The following STK32B variants were observed in gnomAD, a reference collection of about 807,000 sequenced individuals.
STK32B encodes the protein serine/threonine-protein kinase 32B.
STK32B carries 43 observed loss-of-function variants against 52.6 expected under a neutral mutation model. The observed-to-expected ratio is 0.82, with a 90% CI of 0.64 to 1.05. The LOEUF (loss-of-function observed/expected upper bound fraction) is 1.05, where lower values mean the gene tolerates loss of function less well. Among genes scored for constraint, STK32B ranks in the 50% least tolerant of loss-of-function variants. The probability of loss-of-function intolerance (pLI) is 0.00; values close to 1 mark genes in which losing one functional copy is unlikely to be tolerated. For synonymous variants in STK32B, 238 were observed against 204.3 expected, an observed-to-expected ratio of 1.17 and a Z score of -1.41; for missense variants, 621 against 534.6, an observed-to-expected ratio of 1.16 and a Z score of -1.59.
At chr4:5,036,215 G>A in the STK32B span, among the ~76,000 whole-genome samples, 1 of 152,214 alleles carries the variant, frequency 6.6e-6, no homozygotes, top group African/African-American at 2.4e-5. Context: ...AAACCAATCT[G>A]AAAGCTGCTG....
chr4:5,131,067 C>A (rs560337531), intron 1 of STK32B, among the ~76,000 whole-genome samples: 1 of 152,192 alleles, frequency 6.6e-6, no homozygotes, highest in African/African-American at 2.4e-5. Context: ...GGGCATGCCT[C>A]TGCTAGGCAG....
chr4:5,178,876 A>C (rs748659165), intron 3 of STK32B, among the ~76,000 whole-genome samples: 12 of 152,156 alleles, frequency 7.9e-5, no homozygotes, highest in Non-Finnish European at 1.8e-4. Context: ...CAACTTTCCC[A>C]CATCTTCCTG....
chr4:5,436,425 T>G (rs950437397), intron 6 of STK32B, among the ~76,000 whole-genome samples: 1 of 152,170 alleles, frequency 6.6e-6, no homozygotes, highest in Non-Finnish European at 1.5e-5. Context: ...CCAGTGGCAT[T>G]GCAAGGAACA....
intron 3 of STK32B, among the ~76,000 whole-genome samples, chr4:5,316,328 TATACA>T (rs1239765968): frequency 2.0e-5 from 1 of 50,380 alleles, no homozygotes; most frequent in African/African-American, 1.6e-4. Flanking sequence ...TTATATATTA[TATACA>T]ATATAATATA....
chr4:5,436,640 G>A, intron 6 of STK32B: 1 of 985,430 alleles, frequency 1.0e-6, no homozygotes, highest in Non-Finnish European at 1.2e-6. Context: ...CAGCATGTGA[G>A]CAAAGCTGAG....
At chr4:5,375,870 G>A (rs1735556489) in intron 4 of STK32B, among the ~76,000 whole-genome samples, 1 of 152,218 alleles carries the variant, frequency 6.6e-6, no homozygotes, top group South Asian at 2.1e-4. Context: ...TCCTCTGTGG[G>A]ATGATGAGGA....
rs1716149050 is a variant in STK32B, at chr4:5,453,076, T to C, written c.667-3731T>C. 1.3e-5 allele frequency among the ~76,000 whole-genome samples: 2 copies of C among 152,152 alleles called. No individual in the cohort carries two copies. The highest frequency in any genetic ancestry group is 2.9e-5 in the Non-Finnish European group (2 of 68,030). On this transcript the variant is annotated intron_variant, in intron 7 of 11. Transcript: ENST00000282908. The surrounding 1 kb of genome is among the most constrained non-coding windows in gnomAD (Gnocchi z 4.0). Reference sequence around the variant, plus strand: ...CGGCTGAACCTGGTGCCTAAAGCTGTGGAACTTGTTTTAGTCATCATGTTC... The same window carrying C: ...CGGCTGAACCTGGTGCCTAAAGCTGCGGAACTTGTTTTAGTCATCATGTTC...
At position 5,460,669 on chromosome 4, in the gene STK32B, C is replaced by T. The variant is rs1356731690; in HGVS notation, c.909+441C>T. Among the ~76,000 whole-genome samples, 1 of 152,112 alleles carries T rather than the reference C, an allele frequency of 6.6e-6. No individual in the cohort carries two copies. The highest frequency in any genetic ancestry group is 1.5e-5 in the Non-Finnish European group (1 of 68,024). On this transcript the variant is annotated intron_variant, in intron 9 of 11. Transcript: ENST00000282908. The surrounding 1 kb of genome is among the most constrained non-coding windows in gnomAD (Gnocchi z 4.8). The stretch of plus-strand genomic sequence containing the variant: ...GGCAGGGGCTTCTTTTAGGAAGGGT[C>T]GGCAGAGACCTAGAGGTAAAGTGAG...
intron 2 of STK32B, among the ~76,000 whole-genome samples, chr4:5,140,908 A>C (rs933529764): frequency 6.6e-6 from 1 of 152,232 alleles, no homozygotes; most frequent in Non-Finnish European, 1.5e-5. Flanking sequence ...TATTTAAAAA[A>C]TGAGAGAGAT....
Position 5,398,165 on chromosome 4 carries a change from G to C in STK32B, c.435-42G>C, listed in dbSNP as rs1420976391. On this transcript the variant is annotated intron_variant, in intron 4 of 11. Transcript: ENST00000282908. The surrounding 1 kb of genome is among the most constrained non-coding windows in gnomAD (Gnocchi z 4.9). ...TGCTTGTCTATGTGCTCATCTGTGG[G>C]CTCAGGAACCACATTGCCAGCTTCT... is the stretch of plus-strand genomic sequence containing the variant. 1.2e-6 allele frequency: 2 copies of C among 1,611,726 alleles called. No individual in the cohort carries two copies. Among genetic ancestry groups the C allele is most frequent in the South Asian group, 1.1e-5 (1 of 90,688 alleles).
chr4:5,152,005 G>C (rs1717408420), intron 2 of STK32B, among the ~76,000 whole-genome samples: 1 of 152,342 alleles, frequency 6.6e-6, no homozygotes, highest in South Asian at 2.1e-4. Flanking sequence ...GCCAGACATA[G>C]TGCCTGGTCC....
chr4:5,181,965 A>G (rs979213192), intron 3 of STK32B, among the ~76,000 whole-genome samples: 2 of 152,230 alleles, frequency 1.3e-5, no homozygotes, highest in Non-Finnish European at 2.9e-5. Context: ...CTTCTTTCAG[A>G]AATACAGTCA....
At chr4:5,235,635 G>T (rs1724576684) in intron 3 of STK32B, among the ~76,000 whole-genome samples, 1 of 151,822 alleles carries the variant, frequency 6.6e-6, no homozygotes, top group Non-Finnish European at 1.5e-5. Flanking sequence ...ATAAATCCAA[G>T]TTACACCATG....
At chr4:5,385,927 C>CCCACCCACAGCCCCCACTCACAGCT (rs556186121) in intron 4 of STK32B, among the ~76,000 whole-genome samples, 1 of 91,776 alleles carries the variant, frequency 1.1e-5, no homozygotes, top group Non-Finnish European at 1.9e-5. Context: ...CACCCACAGC[C>CCCACCCACAGCCCCCACTCACAGCT]CCACCCACAG....
At chr4:5,313,108 TTTTTA>T (rs143392235) in intron 3 of STK32B, among the ~76,000 whole-genome samples, 8,589 of 147,892 alleles carry the variant, frequency 0.058, 771 homozygotes, top group African/African-American at 0.2. Flanking sequence ...GTAATTGTGG[TTTTTA>T]AAAACCACAA....
intron 3 of STK32B, among the ~76,000 whole-genome samples, chr4:5,302,474 T>G (rs576805702): frequency 6.6e-6 from 1 of 152,250 alleles, no homozygotes; most frequent in Non-Finnish European, 1.5e-5. Flanking sequence ...TCTACAAGCC[T>G]TCTGAAATCG....
intron 3 of STK32B, among the ~76,000 whole-genome samples, chr4:5,320,265 A>G (rs927109882): frequency 1.3e-5 from 2 of 152,110 alleles, no homozygotes; most frequent in African/African-American, 2.4e-5. Flanking sequence ...GGCCTGGTAC[A>G]TAGTAGGTGT....
Position 5,470,172 on chromosome 4 carries a change from C to T in STK32B, c.1106+2102C>T, listed in dbSNP as rs1327864096. Among the ~76,000 whole-genome samples, 1 of 152,192 alleles carries T rather than the reference C, an allele frequency of 6.6e-6. No homozygotes were observed. The highest frequency in any genetic ancestry group is 1.5e-5 in the Non-Finnish European group (1 of 68,048). On this transcript the variant is annotated intron_variant, in intron 11 of 11. Transcript: ENST00000282908. This position sits in a 1 kb window ranked among gnomAD's most constrained non-coding sequence, Gnocchi z 4.6. Reference sequence around the variant, plus strand: ...CTGTGTCATTTAGGAGTTGCGTCTGCTGCTTTTAGCAGAAACCTCACTATA... The same window carrying T: ...CTGTGTCATTTAGGAGTTGCGTCTGTTGCTTTTAGCAGAAACCTCACTATA...
intron 3 of STK32B, among the ~76,000 whole-genome samples, chr4:5,213,879 C>T (rs1016617900): frequency 1.3e-5 from 2 of 152,076 alleles, no homozygotes; most frequent in Non-Finnish European, 2.9e-5. Context: ...ATTAAATTAC[C>T]AATTAAATTA....
Sources: allele counts gnomAD v4.1 joint callset (sites outside exome capture counted in the v4.1 genomes callset), GRCh38; gene constraint gnomAD v4.1.1; non-coding constraint Gnocchi (gnomAD v3.1); transcripts MANE v1.5; gene names NCBI Gene and HGNC (gene_info 2026-07-23, HGNC 2026-07-21).